CCDC88A: variants seen among roughly 807,000 people sequenced by gnomAD.
CCDC88A encodes the protein coiled-coil and HOOK domain protein 88A.
Under a neutral mutation model 234.3 loss-of-function variants are expected in CCDC88A, and 54 were observed. That is an observed-to-expected ratio of 0.23 (90% CI 0.19 to 0.29). CCDC88A has a LOEUF of 0.29. Ranked by LOEUF, CCDC88A falls within the 10% of genes least tolerant of loss-of-function variation. CCDC88A has a pLI of 1.00. For synonymous variants in CCDC88A, 753 were observed against 737.8 expected, an observed-to-expected ratio of 1.02 and a Z score of -0.33; for missense variants, 1,832 against 2,123.4, an observed-to-expected ratio of 0.86 and a Z score of 2.70.
In CCDC88A at chr2:55,317,881, GT is replaced by G; in HGVS notation, c.3325-41del. On this transcript the variant is annotated intron_variant, in intron 19 of 32. Coordinates refer to ENST00000436346, the MANE Select transcript of CCDC88A (RefSeq NM_001365480.1). This position sits in a 1 kb window ranked among gnomAD's most constrained non-coding sequence, Gnocchi z 4.2. ...ATTGTTATCAGACATAAGAAAAACA[GT>G]TCATGTTCTTTTTCAAAATACAAGA... 7.4e-7 allele frequency: 1 copy of G among 1,347,558 alleles called. No homozygotes were observed. The highest frequency in any genetic ancestry group is 1.0e-6 in the Non-Finnish European group (1 of 987,650). 83.5% of individuals were successfully genotyped at this position (1,347,558 alleles called of 1,614,324 possible). A position where few individuals can be genotyped will look rare whatever the true frequency, so the allele number is the denominator to read the frequency against.
intron 2 of CCDC88A, among the ~76,000 whole-genome samples, chr2:55,389,948 G>A (rs1676336064): frequency 6.8e-6 from 1 of 148,096 alleles, no homozygotes; most frequent in Admixed American, 7.0e-5. Flanking sequence ...GGCTGAGGCA[G>A]GAGAATCACT....
At position 55,296,298 on chromosome 2, in the gene CCDC88A, T is replaced by C; in HGVS notation, c.5051A>G (p.Gln1684Arg). 6.2e-7 allele frequency: 1 copy of C among 1,614,212 alleles called. No individual in the cohort carries two copies. Among genetic ancestry groups the C allele is most frequent in the East Asian group, 2.2e-5 (1 of 44,886 alleles). The change falls in exon 30 of 33, where the codon CAA becomes CGA. Residue 1684 changes from glutamine to arginine, a missense_variant. Coordinates refer to ENST00000436346, the MANE Select transcript of CCDC88A (RefSeq NM_001365480.1). ...CTTATTGCTTTCTTCCAAAAACTGT[T>C]GTAGAGTAACAACTTCACTTCCAGG... ...GSPGSEVVTL[Q>R]QFLEESNKLT...
intron 2 of CCDC88A, among the ~76,000 whole-genome samples, chr2:55,390,983 G>A (rs1206338543): frequency 4.6e-5 from 7 of 152,100 alleles, no homozygotes; most frequent in Admixed American, 4.6e-4. Flanking sequence ...TGAAAACAAA[G>A]CAAAACAAAA....
At chr2:55,388,107 T>G (rs1676008390) in intron 3 of CCDC88A, among the ~76,000 whole-genome samples, 1 of 152,208 alleles carries the variant, frequency 6.6e-6, no homozygotes, top group East Asian at 1.9e-4. Flanking sequence ...ACATAGAACT[T>G]TAAAGAAAAC....
At chr2:55,313,966 A>T (rs1682655915) in intron 22 of CCDC88A, 1 of 152,138 alleles carries the variant, frequency 6.6e-6, no homozygotes, top group Admixed American at 6.5e-5. Context: ...TTGCAATGTG[A>T]CTTCTCACTT....
chr2:55,351,782 C>A (rs1486985273), intron 8 of CCDC88A, among the ~76,000 whole-genome samples: 3 of 152,120 alleles, frequency 2.0e-5, no homozygotes, highest in Non-Finnish European at 4.4e-5. Flanking sequence ...ATGTTCATAG[C>A]AGCATTATTC....
intron 8 of CCDC88A, 146 bp from the exon 9 acceptor site, chr2:55,349,745 A>T (rs74343540): frequency 3.9e-6 from 2 of 510,192 alleles, no homozygotes; most frequent in African/African-American, 2.0e-5. Flanking sequence ...AAAAAAAAAA[A>T]GATAGATATT....
intron 2 of CCDC88A, among the ~76,000 whole-genome samples, chr2:55,401,499 CATATATATATATATATATAT>C (rs70954117): frequency 0.012 from 635 of 54,500 alleles, 55 homozygotes; most frequent in African/African-American, 0.024. Context: ...TGTGTGTATA[CATATATATATATATATATAT>C]ATATATATAT....
rs775334054 is a variant in CCDC88A, at chr2:55,335,920, T to TG, written c.1657-757dup. ...TTCTAAAAAAATTAATGCTCAAGCA[T>TG]GGTGGCTGGCACCTATAATCCTAGC... On this transcript the variant is annotated intron_variant, in intron 14 of 32. Coordinates refer to ENST00000436346, the MANE Select transcript of CCDC88A (RefSeq NM_001365480.1). This position sits in a 1 kb window ranked among gnomAD's most constrained non-coding sequence, Gnocchi z 4.5. Among the ~76,000 whole-genome samples, 2 of 152,110 alleles carry TG rather than the reference T, an allele frequency of 1.3e-5. No homozygotes were observed. The highest frequency in any genetic ancestry group is 2.9e-5 in the Non-Finnish European group (2 of 68,014).
chr2:55,322,399 T>C, intron 18 of CCDC88A, 129 bp downstream of exon 18: 1 of 600,020 alleles, frequency 1.7e-6, no homozygotes, highest in Non-Finnish European at 2.8e-6. Flanking sequence ...AAAAGGACTA[T>C]ATGACTAGAA....
At chr2:55,320,394 A>G (rs1225020440) in intron 18 of CCDC88A, among the ~76,000 whole-genome samples, 1 of 152,164 alleles carries the variant, frequency 6.6e-6, no homozygotes, top group East Asian at 1.9e-4. Context: ...TACAAGGGCA[A>G]AGAAATAAGT....
chr2:55,307,687 C>T lies in CCDC88A; in HGVS notation c.4387+1122G>A, dbSNP rs960245389. Among the ~76,000 whole-genome samples, 13 of 150,974 alleles carry T rather than the reference C, an allele frequency of 8.6e-5. No individual in the cohort carries two copies. In the East Asian group the frequency reaches 2.5e-3, roughly 30 times the overall value. ...TTTAAATAATAGAGACAGTGTCTCACTATGTTGCCCAGGCTGGTCTTGAAC... is the reference window on the plus strand; with the variant it reads ...TTTAAATAATAGAGACAGTGTCTCATTATGTTGCCCAGGCTGGTCTTGAAC... On this transcript the variant is annotated intron_variant, in intron 25 of 32. Transcript: ENST00000436346.
At chr2:55,340,783 T>G (rs1182304923) in intron 12 of CCDC88A, among the ~76,000 whole-genome samples, 2 of 152,206 alleles carry the variant, frequency 1.3e-5, no homozygotes, top group African/African-American at 4.8e-5. Context: ...TTGTATGATA[T>G]CTATTAAAAC....
rs755446822 is a variant in CCDC88A, at chr2:55,328,286, T to C, written c.2997+8A>G. On this transcript the variant is annotated splice_region_variant and intron_variant, in intron 17 of 32. Coordinates refer to ENST00000436346, the MANE Select transcript of CCDC88A (RefSeq NM_001365480.1). This position sits in a 1 kb window ranked among gnomAD's most constrained non-coding sequence, Gnocchi z 4.3. ...ATCCTTAAAATTCTTTCCAAGAAAA[T>C]CACTTACTGTTTTAAGTTCTTGGCG... 6.4e-7 allele frequency: 1 copy of C among 1,562,456 alleles called. No homozygotes were observed. The highest frequency in any genetic ancestry group is 1.2e-5 in the South Asian group (1 of 80,720).
intron 2 of CCDC88A, among the ~76,000 whole-genome samples, chr2:55,416,378 A>G (rs1298166974): frequency 7.2e-6 from 1 of 139,738 alleles, no homozygotes; most frequent in African/African-American, 2.5e-5. Flanking sequence ...GACAACATCA[A>G]AGCTACTAAT....
At chr2:55,336,576 A>G (rs1490015527) in intron 14 of CCDC88A, 105 bp downstream of exon 14, 2 of 669,638 alleles carry the variant, frequency 3.0e-6, no homozygotes, top group Non-Finnish European at 4.7e-6. Flanking sequence ...ATTCTAAAAT[A>G]TTTCCCTTTA....
At chr2:55,394,016 T>C (rs1677113663) in intron 2 of CCDC88A, 1 of 152,178 alleles carries the variant, frequency 6.6e-6, no homozygotes. Context: ...TGAGGTGCAA[T>C]GCTATGATCA....
rs1268895467 is a variant in CCDC88A, at chr2:55,295,866, G to T, written c.5282C>A (p.Thr1761Asn). Residue 1761 changes from threonine (T) to asparagine (N), a missense_variant, in exon 31 of 33, where the codon ACT becomes AAT. Thr to Asn is a moderately conservative substitution (Grantham distance 65). Transcript: ENST00000436346. ...AGAACTAATGAAGTAGGTATCTTCA[G>T]TTTTTCGAGGACCAGGTCTCAAAAA... The part of the protein sequence containing the change: ...PEFLRPGPRK[T>N]EDTYFISSAG... 6.2e-7 allele frequency: 1 copy of T among 1,614,088 alleles called. No individual in the cohort carries two copies. The highest frequency in any genetic ancestry group is 1.7e-5 in the Admixed American group (1 of 60,006).
intron 13 of CCDC88A, chr2:55,337,787 C>G (rs542440673): frequency 6.6e-6 from 1 of 152,186 alleles, no homozygotes; most frequent in East Asian, 1.9e-4. Flanking sequence ...TTGCAGTGAG[C>G]TGAGATCGCA....
Sources: gnomAD v4.1 joint callset for allele counts (sites outside exome capture counted in the v4.1 genomes callset) on GRCh38, gnomAD v4.1.1 for gene constraint, Gnocchi (gnomAD v3.1) non-coding constraint, MANE v1.5 for transcripts, NCBI Gene and HGNC (gene_info 2026-07-23, HGNC 2026-07-21) for gene names.